DCLK1: variants seen among roughly 807,000 people sequenced by gnomAD.
DCLK1 encodes the protein serine/threonine-protein kinase DCLK1.
Under a neutral mutation model 86.2 loss-of-function variants are expected in DCLK1, and 16 were observed. The observed-to-expected ratio is 0.19, with a 90% CI of 0.13 to 0.28. DCLK1 has a LOEUF of 0.28. Among genes scored for constraint, DCLK1 ranks in the 10% least tolerant of loss-of-function variants. The probability of loss-of-function intolerance (pLI) is 1.00; values close to 1 mark genes in which losing one functional copy is unlikely to be tolerated. For missense variants in DCLK1, 590 were observed against 940.2 expected, an observed-to-expected ratio of 0.63 and a Z score of 4.87; for synonymous variants, 369 against 370.5, an observed-to-expected ratio of 1.00 and a Z score of 0.05.
intron 4 of DCLK1, among the ~76,000 whole-genome samples, chr13:35,876,918 G>A (rs546807073): frequency 6.6e-6 from 1 of 152,302 alleles, no homozygotes; most frequent in African/African-American, 2.4e-5. Context: ...TAAGCCACTT[G>A]AAGGAAGCTA....
At chr13:35,826,564 A>AGGGG (rs1301930448) in intron 10 of DCLK1, among the ~76,000 whole-genome samples, 3 of 46,038 alleles carry the variant, frequency 6.5e-5, no homozygotes, top group South Asian at 9.6e-4. Flanking sequence ...AGAAAGAAAC[A>AGGGG]AGTCCTAATT....
At chr13:36,050,354 G>A (rs1264989701) in intron 3 of DCLK1, among the ~76,000 whole-genome samples, 1 of 152,048 alleles carries the variant, frequency 6.6e-6, no homozygotes, top group Non-Finnish European at 1.5e-5. Flanking sequence ...TCATTGAACA[G>A]AATTTTTAAC....
chr13:35,796,066 G>A (rs1270793146), intron 15 of DCLK1, among the ~76,000 whole-genome samples: 1 of 152,106 alleles, frequency 6.6e-6, no homozygotes, highest in Admixed American at 6.5e-5. Context: ...TTTGACAAGG[G>A]ATAAAATGAT....
intron 3 of DCLK1, among the ~76,000 whole-genome samples, chr13:35,973,642 T>G (rs919594609): frequency 1.3e-5 from 2 of 152,084 alleles, no homozygotes; most frequent in African/African-American, 4.8e-5. Flanking sequence ...AATGAATGAA[T>G]GACAAAAAGA....
At chr13:36,062,091 T>G (rs542830228) in intron 3 of DCLK1, among the ~76,000 whole-genome samples, 1 of 152,292 alleles carries the variant, frequency 6.6e-6, no homozygotes, top group East Asian at 1.9e-4. Flanking sequence ...AATGTCACCC[T>G]TGTGGGTTTT....
intron 3 of DCLK1, among the ~76,000 whole-genome samples, chr13:36,089,615 C>A (rs1484214329): frequency 2.6e-5 from 4 of 152,146 alleles, no homozygotes; most frequent in African/African-American, 9.7e-5. Flanking sequence ...AAAGCATCTT[C>A]TTTTTTCTTT....
chr13:36,119,886 T>C (rs1296419445), intron 2 of DCLK1, among the ~76,000 whole-genome samples: 1 of 152,206 alleles, frequency 6.6e-6, no homozygotes, highest in Non-Finnish European at 1.5e-5. Context: ...CAAAGTTAAC[T>C]TCTTAGTTTT....
At position 35,771,372 on chromosome 13, in the gene DCLK1, T is replaced by A. The variant is rs1044755882; in HGVS notation, c.*3163A>T. ...AGTAGTTTATTCACATTTTTTTTTC[T>A]CTGCTTATTTTAATATGCACCACGT... On this transcript the variant is annotated 3_prime_UTR_variant, in exon 17 of 17. Coordinates refer to ENST00000360631, the MANE Select transcript of DCLK1 (RefSeq NM_001330071.2). 6.6e-6 allele frequency: 1 copy of A among 152,154 alleles called. No individual in the cohort carries two copies. Among genetic ancestry groups the A allele is most frequent in the African/African-American group, 2.4e-5 (1 of 41,438 alleles). 9.4% of individuals were successfully genotyped at this position (152,154 alleles called of 1,614,324 possible). A position where few individuals can be genotyped will look rare whatever the true frequency, so the allele number is the denominator to read the frequency against.
intron 3 of DCLK1, among the ~76,000 whole-genome samples, chr13:35,950,958 G>A (rs9531258): frequency 0.55 from 82,900 of 151,362 alleles, 25,154 homozygotes; most frequent in Non-Finnish European, 0.67. Context: ...TCCTGCTTGT[G>A]GACCCTGGCA....
rs551683483 is a variant in DCLK1 at position 35,807,274 on chromosome 13, A to C, written c.1863+950T>G. On this transcript the variant is annotated intron_variant, in intron 14 of 16. Coordinates refer to ENST00000360631, the MANE Select transcript of DCLK1 (RefSeq NM_001330071.2). ...CCACTTCAACCATTTTCAAGTGCAC[A>C]GTTCACTGACATTCAGTGCATTCAC... Among the ~76,000 whole-genome samples, 3 of 152,342 alleles carry C rather than the reference A, an allele frequency of 2.0e-5. No homozygotes were observed. The South Asian group carries it at 6.2e-4, about 32-fold the overall frequency.
At chr13:35,859,576 T>C (rs1871267165) in intron 5 of DCLK1, among the ~76,000 whole-genome samples, 2 of 152,148 alleles carry the variant, frequency 1.3e-5, no homozygotes, top group African/African-American at 4.8e-5. Flanking sequence ...TCCAACAGCA[T>C]ATACCGGTCA....
chr13:36,081,711 G>C (rs150854530), intron 3 of DCLK1, among the ~76,000 whole-genome samples: 1 of 152,178 alleles, frequency 6.6e-6, no homozygotes, highest in African/African-American at 2.4e-5. Flanking sequence ...AACTTATAAA[G>C]GATTGCATCA....
intron 3 of DCLK1, among the ~76,000 whole-genome samples, chr13:35,966,929 G>A (rs562549771): frequency 9.9e-5 from 15 of 151,862 alleles, no homozygotes; most frequent in South Asian, 2.1e-4. Flanking sequence ...CCGCCACCCC[G>A]TCTAGGAAGT....
chr13:35,954,730 T>A (rs1877885286), intron 3 of DCLK1, among the ~76,000 whole-genome samples: 3 of 151,902 alleles, frequency 2.0e-5, no homozygotes, highest in Admixed American at 2.0e-4. Context: ...GAGGAAAATA[T>A]GTGAATAAAA....
intron 16 of DCLK1, among the ~76,000 whole-genome samples, chr13:35,789,886 C>T (rs940316413): frequency 4.7e-5 from 7 of 148,774 alleles, no homozygotes; most frequent in African/African-American, 1.7e-4. Context: ...TTCTCTCTCT[C>T]TTTTTTTTTT....
At chr13:35,990,334 G>C (rs764354929) in intron 3 of DCLK1, among the ~76,000 whole-genome samples, 1 of 152,174 alleles carries the variant, frequency 6.6e-6, no homozygotes, top group African/African-American at 2.4e-5. Context: ...CATCCTGCAA[G>C]AATCCTCCAC....
intron 3 of DCLK1, among the ~76,000 whole-genome samples, chr13:36,107,308 C>T (rs1209225252): frequency 1.4e-5 from 2 of 147,786 alleles, no homozygotes; most frequent in African/African-American, 5.0e-5. Context: ...AAATTGTTTG[C>T]TCACTCTAGC....
At chr13:35,954,644 A>G (rs561641517) in intron 3 of DCLK1, among the ~76,000 whole-genome samples, 1 of 152,188 alleles carries the variant, frequency 6.6e-6, no homozygotes, top group African/African-American at 2.4e-5. Context: ...TGAAAGTGAT[A>G]ATTTATTTTA....
At chr13:36,107,036 C>T (rs1163923322) in intron 3 of DCLK1, among the ~76,000 whole-genome samples, 1 of 152,070 alleles carries the variant, frequency 6.6e-6, no homozygotes, top group Non-Finnish European at 1.5e-5. Context: ...ATCAAGTAAA[C>T]TCCTATATTA....
Sources: allele counts gnomAD v4.1 joint callset (sites outside exome capture counted in the v4.1 genomes callset), GRCh38; gene constraint gnomAD v4.1.1; transcripts MANE v1.5; gene names NCBI Gene and HGNC (gene_info 2026-07-23, HGNC 2026-07-21).